Variants in PIEZO2 observed in about 807,000 individuals in gnomAD.
PIEZO2 encodes piezo-type mechanosensitive ion channel component 2.
Under a neutral mutation model 337.3 loss-of-function variants are expected in PIEZO2, and 172 were observed. The observed-to-expected ratio is 0.51, with a 90% CI of 0.45 to 0.58. The LOEUF (loss-of-function observed/expected upper bound fraction) is 0.58. Ranked by LOEUF, PIEZO2 falls within the 20% of genes least tolerant of loss-of-function variation. The pLI is 0.00. For synonymous variants in PIEZO2, 1,251 were observed against 1,228.5 expected, an observed-to-expected ratio of 1.02 and a Z score of -0.38; for missense variants, 3,028 against 3,391.3, an observed-to-expected ratio of 0.89 and a Z score of 2.66.
chr18:10,786,004 A>C (rs2039209906), intron 16 of PIEZO2, among the ~76,000 whole-genome samples: 1 of 152,158 alleles, frequency 6.6e-6, no homozygotes, highest in Non-Finnish European at 1.5e-5. Flanking sequence ...CCAAACTCTG[A>C]CTTGCCTCAG....
chr18:10,866,454 T>A (rs2042009076), intron 5 of PIEZO2, among the ~76,000 whole-genome samples: 1 of 152,006 alleles, frequency 6.6e-6, no homozygotes, highest in African/African-American at 2.4e-5. Flanking sequence ...CCTGGCTAAT[T>A]TTTTGTATTT....
rs1043147007 is a variant in PIEZO2 at position 10,834,784 on chromosome 18, C to T, written c.917+20569G>A. Among the ~76,000 whole-genome samples the T allele has an allele frequency of 2.0e-5, 3 of 152,206 alleles. No individual in the cohort carries two copies. Among genetic ancestry groups the T allele is most frequent in the Non-Finnish European group, 4.4e-5 (3 of 68,028 alleles). On this transcript the variant is annotated intron_variant, in intron 7 of 55. Transcript: ENST00000674853. The surrounding 1 kb of genome is among the most constrained non-coding windows in gnomAD (Gnocchi z 4.5). ...GCCTAGAACACCAGCCTCAGAAAGG[C>T]TCTTCCTTTAAGTTTCTTCCCCGCT...
At chr18:10,936,807 G>A (rs927068979) in intron 3 of PIEZO2, among the ~76,000 whole-genome samples, 1 of 152,210 alleles carries the variant, frequency 6.6e-6, no homozygotes, top group Non-Finnish European at 1.5e-5. Context: ...AGACAAAACT[G>A]TGGGACTGTG....
intron 30 of PIEZO2, among the ~76,000 whole-genome samples, chr18:10,744,809 A>G (rs2037358943): frequency 6.6e-6 from 1 of 152,028 alleles, no homozygotes; most frequent in Admixed American, 6.5e-5. Context: ...AAATCTCCTC[A>G]ACCTTCTTCA....
chr18:10,726,400 G>A lies in PIEZO2; in HGVS notation c.5029+5007C>T. On this transcript the variant is annotated intron_variant, in intron 36 of 55. Transcript: ENST00000674853. This position sits in a 1 kb window ranked among gnomAD's most constrained non-coding sequence, Gnocchi z 5.9. ...TACCTGCGGGGCGGTAACAACGCGCGCCAGCCGTGGCACAACGCGGAGGGC... is the reference window on the plus strand; with the variant it reads ...TACCTGCGGGGCGGTAACAACGCGCACCAGCCGTGGCACAACGCGGAGGGC... The A allele has an allele frequency of 1.3e-6, 2 of 1,526,320 alleles. No homozygotes were observed. Among genetic ancestry groups the A allele is most frequent in the Non-Finnish European group, 1.7e-6 (2 of 1,143,562 alleles). The allele number at this position is 1,526,320 out of a possible 1,614,324, so 94.5% of individuals were successfully genotyped here.
In PIEZO2 at chr18:10,767,679, A is replaced by C. The variant is rs1056740851; in HGVS notation, c.2946+2469T>G. On this transcript the variant is annotated intron_variant, in intron 21 of 55. Coordinates refer to ENST00000674853, the MANE Select transcript of PIEZO2 (RefSeq NM_001378183.1). The surrounding 1 kb of genome is among the most constrained non-coding windows in gnomAD (Gnocchi z 4.2). ...CTCTTTGCTGGGCTCCATGTGTACA[A>C]GCAGAGCAGGGCCTGTGTGAGGGTG... is the stretch of plus-strand genomic sequence containing the variant. Among the ~76,000 whole-genome samples, 1 of 152,176 alleles carries C rather than the reference A, an allele frequency of 6.6e-6. No individual in the cohort carries two copies. Among genetic ancestry groups the C allele is most frequent in the African/African-American group, 2.4e-5 (1 of 41,448 alleles).
intron 17 of PIEZO2, among the ~76,000 whole-genome samples, chr18:10,782,064 C>A (rs995804827): frequency 1.4e-5 from 2 of 146,662 alleles, no homozygotes; most frequent in Admixed American, 7.0e-5. Context: ...GGAAGAGTTG[C>A]TAAAAATATA....
At chr18:11,034,260 A>T (rs2036842699) in intron 2 of PIEZO2, among the ~76,000 whole-genome samples, 1 of 152,064 alleles carries the variant, frequency 6.6e-6, no homozygotes, top group Non-Finnish European at 1.5e-5. Context: ...GAAGGAGGGA[A>T]GTCTATTTAC....
rs1383938868 is a variant in PIEZO2 at position 10,701,983 on chromosome 18, C to T, written c.6441+6G>A. ...CTTGAACTGATTAATTGTTAACATGCAGTACCTTCAAAATTGATCGATGAA... is the reference window on the plus strand; with the variant it reads ...CTTGAACTGATTAATTGTTAACATGTAGTACCTTCAAAATTGATCGATGAA... On this transcript the variant is annotated splice_donor_region_variant and intron_variant, in intron 43 of 55. Coordinates refer to ENST00000674853, the MANE Select transcript of PIEZO2 (RefSeq NM_001378183.1). 6.6e-7 allele frequency: 1 copy of T among 1,520,738 alleles called. No homozygotes were observed. Among genetic ancestry groups the T allele is most frequent in the Admixed American group, 2.2e-5 (1 of 45,828 alleles). 94.2% of individuals were successfully genotyped at this position (1,520,738 alleles called of 1,614,324 possible).
chr18:10,873,431 C>T lies in PIEZO2; in HGVS notation c.330-2016G>A, dbSNP rs141813366. Among the ~76,000 whole-genome samples the T allele has an allele frequency of 5.4e-4, 82 of 152,258 alleles. No homozygotes were observed. The East Asian group carries it at 0.013, about 24-fold the overall frequency. On this transcript the variant is annotated intron_variant, in intron 4 of 55. Coordinates refer to ENST00000674853, the MANE Select transcript of PIEZO2 (RefSeq NM_001378183.1). ...ACTTTTATGCTTTCAACCGCTTTCC[C>T]ATGTATGTATCCACATGGCCTTCCT...
rs546152595 is a variant in PIEZO2, at chr18:10,953,027, C to T, written c.286+26508G>A. 5.9e-5 allele frequency among the ~76,000 whole-genome samples: 9 copies of T among 151,970 alleles called. No individual in the cohort carries two copies. In the South Asian group the frequency reaches 1.7e-3, roughly 28 times the overall value. On this transcript the variant is annotated intron_variant, in intron 3 of 55. Coordinates refer to ENST00000674853, the MANE Select transcript of PIEZO2 (RefSeq NM_001378183.1). The surrounding 1 kb of genome is among the most constrained non-coding windows in gnomAD (Gnocchi z 5.2). ...AACATCTTTTAATGTGTTTATTCAT[C>T]ATCTGTATATCTTCTTTGGTAAAGT...
At chr18:10,719,823 C>G (rs1010811573) in intron 36 of PIEZO2, among the ~76,000 whole-genome samples, 1 of 151,614 alleles carries the variant, frequency 6.6e-6, no homozygotes, top group Non-Finnish European at 1.5e-5. Flanking sequence ...GTGATTGATT[C>G]CAAATAAACC....
At chr18:10,791,052 A>G in intron 14 of PIEZO2, 149 bp downstream of exon 14, 2 of 964,850 alleles carry the variant, frequency 2.1e-6, no homozygotes, top group South Asian at 3.7e-5. Flanking sequence ...GTGTACCTCA[A>G]AAGTCACACG....
intron 33 of PIEZO2, 126 bp from the exon 34 acceptor site, chr18:10,736,836 A>G: frequency 9.2e-7 from 1 of 1,088,264 alleles, no homozygotes; most frequent in South Asian, 1.7e-5. Context: ...AGATGTTGGC[A>G]GAGAGGAAAA....
At chr18:10,844,255 C>T (rs1465630798) in intron 7 of PIEZO2, among the ~76,000 whole-genome samples, 3 of 151,586 alleles carry the variant, frequency 2.0e-5, no homozygotes, top group Non-Finnish European at 2.9e-5. Context: ...CCCATCTCTA[C>T]CAAAAAATGC....
chr18:10,843,828 T>C (rs1191109711), intron 7 of PIEZO2, among the ~76,000 whole-genome samples: 1 of 152,118 alleles, frequency 6.6e-6, no homozygotes, highest in African/African-American at 2.4e-5. Flanking sequence ...CCACACCCAT[T>C]AGGTCCAGAC....
At chr18:11,024,036 C>T (rs1027892152) in intron 2 of PIEZO2, among the ~76,000 whole-genome samples, 21 of 152,336 alleles carry the variant, frequency 1.4e-4, no homozygotes, top group South Asian at 4.1e-4. Context: ...TCCCTCCACA[C>T]CTCCCCGCAA....
intron 4 of PIEZO2, among the ~76,000 whole-genome samples, chr18:10,876,453 T>C (rs1241429779): frequency 6.6e-6 from 1 of 152,216 alleles, no homozygotes; most frequent in Non-Finnish European, 1.5e-5. Flanking sequence ...CTCTTTGAAA[T>C]GAATGAATAA....
chr18:10,978,881 C>G (rs1391297069), intron 3 of PIEZO2, among the ~76,000 whole-genome samples: 1 of 152,088 alleles, frequency 6.6e-6, no homozygotes, highest in Admixed American at 6.5e-5. Context: ...ACACATCCTA[C>G]AAAAACTGAA....
Sources: gnomAD v4.1 joint callset for allele counts (sites outside exome capture counted in the v4.1 genomes callset) on GRCh38, gnomAD v4.1.1 for gene constraint, Gnocchi (gnomAD v3.1) non-coding constraint, MANE v1.5 for transcripts, NCBI Gene and HGNC (gene_info 2026-07-23, HGNC 2026-07-21) for gene names.